XPR1: variants seen among roughly 807,000 people sequenced by gnomAD.
XPR1 encodes solute carrier family 53 member 1.
In XPR1, 28 loss-of-function variants were observed where a neutral mutation model predicts 87.5. That is an observed-to-expected ratio of 0.32 (90% CI 0.24 to 0.44). The LOEUF is 0.44. Among genes scored for constraint, XPR1 ranks in the 20% least tolerant of loss-of-function variants. The pLI, the probability that XPR1 is intolerant of heterozygous loss-of-function variation, is 1.00. For missense variants in XPR1, 559 were observed against 862.3 expected (o/e 0.65, Z 4.41); for synonymous variants, 300 against 306.1 (o/e 0.98, Z 0.21).
intron 2 of XPR1, among the ~76,000 whole-genome samples, chr1:180,745,630 C>A (rs2102029476): frequency 6.6e-6 from 1 of 152,276 alleles, no homozygotes; most frequent in East Asian, 1.9e-4. Context: ...TAAGAAATCC[C>A]TTTCCTTCTC....
chr1:180,745,438 T>A (rs1011207987), intron 2 of XPR1, among the ~76,000 whole-genome samples: 10 of 152,132 alleles, frequency 6.6e-5, no homozygotes, highest in African/African-American at 2.4e-4. Context: ...TCAATTTCAC[T>A]CTCTGGGGAG....
chr1:180,817,435 G>T (rs996330350), intron 7 of XPR1, among the ~76,000 whole-genome samples: 2 of 152,090 alleles, frequency 1.3e-5, no homozygotes, highest in Non-Finnish European at 2.9e-5. Flanking sequence ...CAGTCCTATA[G>T]CTCCATTCAT....
intron 1 of XPR1, among the ~76,000 whole-genome samples, chr1:180,675,021 G>A (rs1432653744): frequency 6.6e-6 from 1 of 152,084 alleles, no homozygotes; most frequent in Non-Finnish European, 1.5e-5. Context: ...ACTGTTATAT[G>A]AGTTGTTATA....
chr1:180,837,331 G>A (rs1346315917), intron 11 of XPR1, among the ~76,000 whole-genome samples: 3 of 152,186 alleles, frequency 2.0e-5, no homozygotes, highest in Non-Finnish European at 2.9e-5. Flanking sequence ...TTAGTAAAAT[G>A]CGTTCCATCT....
At chr1:180,846,830 C>G (rs1048422459) in intron 11 of XPR1, among the ~76,000 whole-genome samples, 1 of 149,796 alleles carries the variant, frequency 6.7e-6, no homozygotes, top group African/African-American at 2.5e-5. Flanking sequence ...TTTTCGTACA[C>G]TACACACAAT....
At chr1:180,673,029 G>T (rs17373425) in intron 1 of XPR1, among the ~76,000 whole-genome samples, 8,135 of 152,222 alleles carry the variant, frequency 0.053, 314 homozygotes, top group Non-Finnish European at 0.079. Context: ...AAGCGAATGA[G>T]AGCAACATAA....
intron 2 of XPR1, among the ~76,000 whole-genome samples, chr1:180,725,337 A>G (rs971105530): frequency 2.0e-5 from 3 of 152,200 alleles, no homozygotes; most frequent in African/African-American, 7.2e-5. Context: ...TTCCTGATGA[A>G]GGACACTGAG....
chr1:180,830,520 C>G (rs10798793), intron 9 of XPR1, among the ~76,000 whole-genome samples: 72,685 of 151,948 alleles, frequency 0.48, 17,874 homozygotes, highest in African/African-American at 0.5. Context: ...TTTAGAGAAA[C>G]AGAAGACAGA....
At chr1:180,760,655 G>A (rs1647983434) in intron 2 of XPR1, among the ~76,000 whole-genome samples, 2 of 152,136 alleles carry the variant, frequency 1.3e-5, no homozygotes, top group Non-Finnish European at 2.9e-5. Flanking sequence ...CTCATGGGTA[G>A]GAAGAATCAA....
chr1:180,638,282 A>T (rs535480546), intron 1 of XPR1, among the ~76,000 whole-genome samples: 2 of 152,328 alleles, frequency 1.3e-5, no homozygotes, highest in South Asian at 4.1e-4. Context: ...GATGGGTATA[A>T]TTAATAAATA....
Position 180,883,208 on chromosome 1 carries a change from C to T in XPR1, c.2031-798C>T, listed in dbSNP as rs573278890. 1.2e-4 allele frequency among the ~76,000 whole-genome samples: 17 copies of T among 147,784 alleles called. No individual in the cohort carries two copies. The South Asian group carries it at 3.5e-3, about 30-fold the overall frequency. On this transcript the variant is annotated intron_variant, in intron 14 of 14. Transcript: ENST00000367590. ...CTCAAACTGCCGGGCTAAGGCGATCCTCTTATGTCAGCCTCCCAAGGAGCT... is the reference window on the plus strand; with the variant it reads ...CTCAAACTGCCGGGCTAAGGCGATCTTCTTATGTCAGCCTCCCAAGGAGCT...
At chr1:180,663,591 C>T (rs1001122468) in intron 1 of XPR1, among the ~76,000 whole-genome samples, 2 of 152,174 alleles carry the variant, frequency 1.3e-5, no homozygotes, top group Non-Finnish European at 2.9e-5. Context: ...GGGTCAGACC[C>T]GAAGCTAGCG....
At chr1:180,817,277 GTTAAT>G (rs967248338) in intron 7 of XPR1, among the ~76,000 whole-genome samples, 8 of 151,850 alleles carry the variant, frequency 5.3e-5, no homozygotes, top group African/African-American at 1.9e-4. Flanking sequence ...GTGAGCTAAG[GTTAAT>G]TTATTATTGA....
chr1:180,751,564 A>G (rs1258003772), intron 2 of XPR1, among the ~76,000 whole-genome samples: 1 of 152,138 alleles, frequency 6.6e-6, no homozygotes, highest in East Asian at 1.9e-4. Flanking sequence ...TTTTAGCAAG[A>G]TATTTTACAG....
intron 6 of XPR1, among the ~76,000 whole-genome samples, chr1:180,806,939 T>C (rs1650012790): frequency 6.6e-6 from 1 of 152,174 alleles, no homozygotes; most frequent in South Asian, 2.1e-4. Flanking sequence ...AGAAAATTTA[T>C]TAAGTGATAT....
intron 2 of XPR1, among the ~76,000 whole-genome samples, chr1:180,709,902 T>C (rs12066936): frequency 1.4e-5 from 2 of 141,560 alleles, no homozygotes; most frequent in East Asian, 4.1e-4. Flanking sequence ...TTTTTTTTTT[T>C]AATTTTTTTA....
chr1:180,787,297 G>GA (rs1558008118), intron 2 of XPR1, among the ~76,000 whole-genome samples: 1 of 141,868 alleles, frequency 7.0e-6, no homozygotes, highest in Non-Finnish European at 1.6e-5. Context: ...TTTTTTTTTT[G>GA]TTTTTTTTGT....
In XPR1 at chr1:180,748,400, C is replaced by CTTTTTTTTTTTTTTTTT. The variant is rs71297873; in HGVS notation, c.122-39334_122-39318dup. ...TGCTACTCTGTGTTATTATTTATGT[C>CTTTTTTTTTTTTTTTTT]TTTTTTTTTTTTTTTTTTTTTTTTT... is the stretch of plus-strand genomic sequence containing the variant. On this transcript the variant is annotated intron_variant, in intron 2 of 14. Coordinates refer to ENST00000367590, the MANE Select transcript of XPR1 (RefSeq NM_004736.4). Among the ~76,000 whole-genome samples the CTTTTTTTTTTTTTTTTT allele has an allele frequency of 3.7e-4, 11 of 29,680 alleles. 2 individuals are homozygous for CTTTTTTTTTTTTTTTTT. The highest frequency in any genetic ancestry group is 4.3e-4 in the Non-Finnish European group (6 of 14,022). 19.5% of individuals were successfully genotyped at this position (29,680 alleles called of 152,430 possible).
chr1:180,702,709 ATTGT>A (rs1657389837), intron 2 of XPR1, among the ~76,000 whole-genome samples: 1 of 150,864 alleles, frequency 6.6e-6, no homozygotes, highest in Non-Finnish European at 1.5e-5. Context: ...ATTTCTTTAT[ATTGT>A]TTATCTGTGT....
Sources: allele counts gnomAD v4.1 joint callset (sites outside exome capture counted in the v4.1 genomes callset), GRCh38; gene constraint gnomAD v4.1.1; transcripts MANE v1.5; gene names NCBI Gene and HGNC (gene_info 2026-07-23, HGNC 2026-07-21).